The following OR5B3 variants were observed in gnomAD, a reference collection of about 807,000 sequenced individuals.
OR5B3 encodes the protein olfactory receptor family 5 subfamily B member 3, also known as olfactory receptor 5B3.
For missense variants in OR5B3, 430 were observed against 375.4 expected (o/e 1.15, Z -1.20); for synonymous variants, 150 against 135.0 (o/e 1.11, Z -0.77).
In OR5B3 at chr11:58,402,604, TC is replaced by T. The variant is rs773064708; in HGVS notation, c.805del (p.Asp269ThrfsTer15). 3 of 1,613,624 alleles carry T rather than the reference TC, an allele frequency of 1.9e-6. No homozygotes were observed. The highest frequency in any genetic ancestry group is 1.3e-5 in the African/African-American group (1 of 74,896). On this transcript the variant is annotated frameshift_variant, in exon 2 of 2. Transcript: ENST00000641865. LOFTEE classifies it low-confidence loss of function (END_TRUNC). ...QPSSSHSMDT[D>X]KMAPVFYTMV... ...TGTATAGAACACAGGTGCCATTTTG[TC>T]TGTGTCCATGGAGTGACTGGAGCTG...
chr11:58,405,507 A>G (rs1855088017), intron 1 of OR5B3, among the ~76,000 whole-genome samples: 1 of 152,170 alleles, frequency 6.6e-6, no homozygotes, highest in Non-Finnish European at 1.5e-5. Context: ...ACAGAAAATC[A>G]AATACTGCAT....
rs1590704695 is a variant in OR5B3, at chr11:58,402,910, CAGAA to C, written c.496_499del (p.Phe166ValfsTer35). Reference sequence around the variant, plus strand: ...AAAGTGATGGACTTCATTGGACTTACAGAAAGAGAGACTAAATGTGTCCCCAGTG... The same window carrying C: ...AAAGTGATGGACTTCATTGGACTTACAGAGAGACTAAATGTGTCCCCAGTG... On this transcript the variant is annotated frameshift_variant, in exon 2 of 2. Coordinates refer to ENST00000641865, the MANE Select transcript of OR5B3 (RefSeq NM_001005469.2). LOFTEE classifies it low-confidence loss of function (END_TRUNC). The C allele has an allele frequency of 3.1e-6, 5 of 1,613,976 alleles. No homozygotes were observed. Among genetic ancestry groups the C allele is most frequent in the Non-Finnish European group, 4.2e-6 (5 of 1,179,906 alleles).
rs546163469 is a variant in OR5B3, at chr11:58,403,051, C to A, written c.359G>T (p.Arg120Leu). Reference protein sequence around the residue: ...NYLLASMAYDRYAAVCKPLHY... With the variant: ...NYLLASMAYDLYAAVCKPLHY... ...TAGGGGTTTGCACACTGCTGCATAG[C>A]GGTCATAGGCCATTGAGGCCAAGAG... Residue 120 changes from arginine to leucine, a missense_variant, in exon 2 of 2, where the codon CGC becomes CTC. Arg to Leu is a moderately radical substitution (Grantham distance 102). Transcript: ENST00000641865. 3.1e-6 allele frequency: 5 copies of A among 1,614,038 alleles called. No homozygotes were observed. The highest frequency in any genetic ancestry group is 1.3e-5 in the African/African-American group (1 of 75,036).
rs1335858025 is a variant in OR5B3 at position 58,406,795 on chromosome 11, G to A, written c.-27+6C>T. On this transcript the variant is annotated splice_donor_region_variant and intron_variant, in intron 1 of 1. Coordinates refer to ENST00000641865, the MANE Select transcript of OR5B3 (RefSeq NM_001005469.2). ...TCTAAAATGTTTCTTAGATATAGAA[G>A]CTTACCTTACAGCTGGATGAGCAGA... is the stretch of plus-strand genomic sequence containing the variant. The A allele has an allele frequency of 2.6e-5, 4 of 152,186 alleles. No homozygotes were observed. The South Asian group carries it at 6.2e-4, about 24-fold the overall frequency. The allele number at this position is 152,186 out of a possible 1,614,324, so 9.4% of individuals were successfully genotyped here.
rs190645593 is a variant in OR5B3, at chr11:58,402,830, C to G, written c.580G>C (p.Glu194Gln). The G allele has an allele frequency of 3.4e-5, 55 of 1,613,776 alleles. No individual in the cohort carries two copies. The East Asian group carries it at 1.1e-3, about 33-fold the overall frequency. Reference protein sequence around the residue: ...VLSCSDRHISELVLIYVVSFN... With the variant: ...VLSCSDRHISQLVLIYVVSFN... ...CTCACAACATAAATAAGAACAAGCT[C>G]GCTAATATGTCTATCAGAGCAAGAG... The change falls in exon 2 of 2, where the codon GAG (glutamate) becomes CAG (glutamine). Residue 194 changes from glutamate to glutamine, a missense_variant. Physicochemically the swap from Glu to Gln is conservative, Grantham distance 29 (BLOSUM62 2). Coordinates refer to ENST00000641865, the MANE Select transcript of OR5B3 (RefSeq NM_001005469.2).
intron 1 of OR5B3, among the ~76,000 whole-genome samples, chr11:58,406,197 AAGAG>A (rs771352898): frequency 4.0e-4 from 53 of 131,814 alleles, no homozygotes; most frequent in Non-Finnish European, 7.4e-4. Context: ...GTGAGAGAGA[AAGAG>A]AGAGAGAGTT....
In OR5B3 at chr11:58,403,065, T is replaced by C. The variant is rs1252193566; in HGVS notation, c.345A>G (p.Ser115=). The change falls in exon 2 of 2, where the codon TCA becomes TCG. Residue 115 remains serine, a synonymous_variant. Coordinates refer to ENST00000641865, the MANE Select transcript of OR5B3 (RefSeq NM_001005469.2). ...CTGCTGCATAGCGGTCATAGGCCAT[T>C]GAGGCCAAGAGGTAATTTTCCACAG... ...FATVENYLLA[S]MAYDRYAAVC... is the part of the protein sequence containing the mutation. 5.0e-6 allele frequency: 8 copies of C among 1,614,078 alleles called. No individual in the cohort carries two copies. Among genetic ancestry groups the C allele is most frequent in the Non-Finnish European group, 4.2e-6 (5 of 1,179,956 alleles).
At chr11:58,403,664 G>T (rs1342989299) in intron 1 of OR5B3, among the ~76,000 whole-genome samples, 2 of 152,088 alleles carry the variant, frequency 1.3e-5, no homozygotes, top group African/African-American at 4.8e-5. Context: ...TATTATAAAT[G>T]TGTAAACTCA....
rs1855061412 is a variant in OR5B3 at position 58,403,323 on chromosome 11, G to A, written c.87C>T (p.Phe29=). The change falls in exon 2 of 2, where the codon TTC becomes TTT. Residue 29 remains phenylalanine, a synonymous_variant. Transcript: ENST00000641865. ...SELQVPLFIT[F]PFIYIITLVG... ...CCAGAGTGATAATATAGATGAAGGG[G>A]AACGTTATAAAGAGGGGAACCTGCA... The A allele has an allele frequency of 1.9e-6, 3 of 1,610,538 alleles. No homozygotes were observed. Among genetic ancestry groups the A allele is most frequent in the Non-Finnish European group, 2.5e-6 (3 of 1,176,974 alleles).
rs539318167 is a variant in OR5B3, at chr11:58,402,519, A to G, written c.891T>C (p.Ser297=). The change falls in exon 2 of 2, where the codon AGT becomes AGC. Residue 297 remains serine (S), a synonymous_variant. Transcript: ENST00000641865. ...CCTTCTCAACAACTTTCTTGAATGC[A>G]CTCTTCACTTCCTTGTTCCTCAGAC... ...VYSLRNKEVK[S]AFKKVVEKAK... 14 of 1,613,400 alleles carry G rather than the reference A, an allele frequency of 8.7e-6. No homozygotes were observed. The highest frequency in any genetic ancestry group is 4.0e-5 in the African/African-American group (3 of 74,976).
At chr11:58,403,979 A>G (rs2119892663) in intron 1 of OR5B3, among the ~76,000 whole-genome samples, 1 of 152,300 alleles carries the variant, frequency 6.6e-6, no homozygotes, top group East Asian at 1.9e-4. Context: ...ATGGTTCCTA[A>G]ATCTAATGGT....
Position 58,402,724 on chromosome 11 carries a change from G to A in OR5B3, c.686C>T (p.Ala229Val). 4 of 1,613,916 alleles carry A rather than the reference G, an allele frequency of 2.5e-6. No individual in the cohort carries two copies. Among genetic ancestry groups the A allele is most frequent in the Non-Finnish European group, 3.4e-6 (4 of 1,179,900 alleles). Residue 229 changes from alanine to valine, a missense_variant, in exon 2 of 2, where the codon GCT (alanine) becomes GTT (valine). Transcript: ENST00000641865. ...IFITILKMHS[A>V]SVYQKPLSTC... ...GGACAAAGGCTTCTGGTATACTGAA[G>A]CTGAGTGCATCTTTAGGATGGTGAT...
chr11:58,405,766 T>A (rs1047283119), intron 1 of OR5B3, among the ~76,000 whole-genome samples: 1 of 151,938 alleles, frequency 6.6e-6, no homozygotes, highest in African/African-American at 2.4e-5. Flanking sequence ...AAGTTGGACT[T>A]TTTTTTTAAA....
rs776458561 is a variant in OR5B3 at position 58,402,536 on chromosome 11, T to C, written c.874A>G (p.Asn292Asp). Reference sequence around the variant, plus strand: ...TTGAATGCACTCTTCACTTCCTTGTTCCTCAGACTATAGACCAGAGGGTTC... The same window carrying C: ...TTGAATGCACTCTTCACTTCCTTGTCCCTCAGACTATAGACCAGAGGGTTC... ...MLNPLVYSLR[N>D]KEVKSAFKKV... The change falls in exon 2 of 2, where the codon AAC becomes GAC. Residue 292 changes from asparagine to aspartate, a missense_variant. By Grantham distance (23) the Asn-to-Asp change is conservative (BLOSUM62 1). Coordinates refer to ENST00000641865, the MANE Select transcript of OR5B3 (RefSeq NM_001005469.2). 5 of 1,613,686 alleles carry C rather than the reference T, an allele frequency of 3.1e-6. No homozygotes were observed. The highest frequency in any genetic ancestry group is 3.4e-6 in the Non-Finnish European group (4 of 1,179,614).
intron 1 of OR5B3, among the ~76,000 whole-genome samples, chr11:58,405,446 A>C (rs1041971886): frequency 1.3e-5 from 2 of 152,230 alleles, no homozygotes; most frequent in Non-Finnish European, 2.9e-5. Context: ...TCTCCTTTGC[A>C]GGGACATAGA....
chr11:58,404,867 A>G (rs911187210), intron 1 of OR5B3, among the ~76,000 whole-genome samples: 1 of 152,138 alleles, frequency 6.6e-6, no homozygotes, highest in Non-Finnish European at 1.5e-5. Context: ...TTGTTTTGGA[A>G]CAATATTTTA....
intron 1 of OR5B3, among the ~76,000 whole-genome samples, chr11:58,405,287 A>G (rs1317632509): frequency 6.6e-6 from 1 of 152,186 alleles, no homozygotes; most frequent in Non-Finnish European, 1.5e-5. Context: ...TATTTGACCC[A>G]GTATATACTC....
Position 58,402,806 on chromosome 11 carries a change from T to C in OR5B3, c.604A>G (p.Ser202Gly). The C allele has an allele frequency of 6.2e-7, 1 of 1,613,736 alleles. No homozygotes were observed. Among genetic ancestry groups the C allele is most frequent in the Non-Finnish European group, 8.5e-7 (1 of 1,179,830 alleles). The change falls in exon 2 of 2, where the codon AGC becomes GGC. Residue 202 changes from serine to glycine, a missense_variant. Physicochemically the swap from Ser to Gly is moderately conservative, Grantham distance 56 (BLOSUM62 0). Coordinates refer to ENST00000641865, the MANE Select transcript of OR5B3 (RefSeq NM_001005469.2). ...ISELVLIYVV[S>G]FNIFIALLVI... ...AGGAGAGCTATAAAGATATTGAAGC[T>C]CACAACATAAATAAGAACAAGCTCG...
At position 58,402,902 on chromosome 11, in the gene OR5B3, T is replaced by A. The variant is rs746464205; in HGVS notation, c.508A>T (p.Asn170Tyr). The change falls in exon 2 of 2, where the codon AAT becomes TAT. Residue 170 changes from asparagine to tyrosine, a missense_variant. By Grantham distance (143) the Asn-to-Tyr change is moderately radical (BLOSUM62 -2). Coordinates refer to ENST00000641865, the MANE Select transcript of OR5B3 (RefSeq NM_001005469.2). ...DTFSLSFCKSNEVHHFFCDIP... is the reference protein window; with the variant it reads ...DTFSLSFCKSYEVHHFFCDIP... ...TCACAGAAAAAGTGATGGACTTCATTGGACTTACAGAAAGAGAGACTAAAT... is the reference window on the plus strand; with the variant it reads ...TCACAGAAAAAGTGATGGACTTCATAGGACTTACAGAAAGAGAGACTAAAT... The A allele has an allele frequency of 6.2e-7, 1 of 1,613,854 alleles. No homozygotes were observed. The highest frequency in any genetic ancestry group is 2.2e-5 in the East Asian group (1 of 44,896).
Sources: allele counts gnomAD v4.1 joint callset (sites outside exome capture counted in the v4.1 genomes callset), GRCh38; gene constraint gnomAD v4.1.1; transcripts MANE v1.5; gene names NCBI Gene and HGNC (gene_info 2026-07-23, HGNC 2026-07-21).